Variants in GALNT8 observed in about 807,000 individuals in gnomAD.
GALNT8 encodes probable polypeptide N-acetylgalactosaminyltransferase 8.
GALNT8 carries 66 observed loss-of-function variants against 62.7 expected under a neutral mutation model. That is an observed-to-expected ratio of 1.05 (90% confidence interval 0.86 to 1.29). The LOEUF (loss-of-function observed/expected upper bound fraction) is 1.29. Ranked by LOEUF, GALNT8 falls within the 50% of genes most tolerant of loss-of-function variation. GALNT8 has a pLI of 0.00. For missense variants in GALNT8, 771 were observed against 791.8 expected (o/e 0.97, Z 0.32); for synonymous variants, 288 against 294.3 (o/e 0.98, Z 0.22).
At chr12:4,760,891 T>C (rs1946368390) in intron 6 of GALNT8, 67 bp from the exon 7 acceptor site, 1 of 1,354,546 alleles carries the variant, frequency 7.4e-7, no homozygotes, top group Non-Finnish European at 1.0e-6. Context: ...TGTAGTCTTC[T>C]TGTGTCAATA....
At chr12:4,770,654 A>G (rs1393272485) in intron 10 of GALNT8, among the ~76,000 whole-genome samples, 1 of 152,210 alleles carries the variant, frequency 6.6e-6, no homozygotes, top group Non-Finnish European at 1.5e-5. Flanking sequence ...CATCTCACCC[A>G]TGAAGTAACT....
intron 6 of GALNT8, among the ~76,000 whole-genome samples, chr12:4,750,382 C>T (rs1263474299): frequency 3.4e-5 from 5 of 147,558 alleles, no homozygotes; most frequent in Non-Finnish European, 7.5e-5. Flanking sequence ...GTGAGTTGTT[C>T]CCCTCTTTGT....
Position 4,726,552 on chromosome 12 carries a change from C to A in GALNT8, c.232C>A (p.Leu78Met). The A allele has an allele frequency of 1.2e-6, 2 of 1,612,692 alleles. No individual in the cohort carries two copies. Among genetic ancestry groups the A allele is most frequent in the South Asian group, 2.2e-5 (2 of 90,958 alleles). Residue 78 changes from leucine to methionine, a missense_variant, in exon 2 of 11, where the codon CTG (leucine) becomes ATG (methionine). Leu to Met is a conservative substitution (Grantham distance 15). Coordinates refer to ENST00000252318, the MANE Select transcript of GALNT8 (RefSeq NM_017417.2). This position sits in a 1 kb window ranked among gnomAD's most constrained non-coding sequence, Gnocchi z 4.1. ...TGCAGAAGAAAGTATGAAATTAGCT[C>A]TGAGGCAACAAGAAAATGTGAACAG... is the stretch of plus-strand genomic sequence containing the variant. ...QDLKESMKLALRQQENVNSTL... is the reference protein window; with the variant it reads ...QDLKESMKLAMRQQENVNSTL...
chr12:4,726,045 A>G lies in GALNT8; in HGVS notation c.212-487A>G, dbSNP rs1026903143. Among the ~76,000 whole-genome samples the G allele has an allele frequency of 1.3e-5, 2 of 152,180 alleles. No individual in the cohort carries two copies. Among genetic ancestry groups the G allele is most frequent in the Non-Finnish European group, 2.9e-5 (2 of 68,026 alleles). On this transcript the variant is annotated intron_variant, in intron 1 of 10. Coordinates refer to ENST00000252318, the MANE Select transcript of GALNT8 (RefSeq NM_017417.2). The surrounding 1 kb of genome is among the most constrained non-coding windows in gnomAD (Gnocchi z 4.1). ...GTAAGTGTTTCTTAAGTTTTACTGT[A>G]AAAAGAATTACTCCTTGGTTTTATT...
intron 1 of GALNT8, among the ~76,000 whole-genome samples, chr12:4,725,188 C>T (rs1946189103): frequency 1.3e-5 from 2 of 152,174 alleles, no homozygotes; most frequent in African/African-American, 4.8e-5. Context: ...GTCATCATCA[C>T]TAAACACTAA....
At chr12:4,727,385 A>G (rs1408303359) in intron 2 of GALNT8, among the ~76,000 whole-genome samples, 3 of 152,064 alleles carry the variant, frequency 2.0e-5, no homozygotes, top group African/African-American at 7.3e-5. Flanking sequence ...CATGCAATTT[A>G]TCCATTTAAA....
At chr12:4,751,316 G>A (rs1009107772) in intron 6 of GALNT8, among the ~76,000 whole-genome samples, 13 of 152,030 alleles carry the variant, frequency 8.6e-5, no homozygotes, top group African/African-American at 3.1e-4. Context: ...TTTGGATTTG[G>A]TTTCCTCTTG....
chr12:4,728,856 A>T (rs571829022), intron 2 of GALNT8, among the ~76,000 whole-genome samples: 2 of 152,120 alleles, frequency 1.3e-5, no homozygotes, highest in Non-Finnish European at 2.9e-5. Flanking sequence ...GAATTTCCAT[A>T]TGAGTTTTAG....
At chr12:4,744,476 G>A (rs1019174323) in intron 3 of GALNT8, 41 bp from the exon 4 acceptor site, 2 of 1,397,484 alleles carry the variant, frequency 1.4e-6, no homozygotes, top group African/African-American at 1.4e-5. Flanking sequence ...CACGTTGATT[G>A]TTGCACTCAG....
intron 10 of GALNT8, among the ~76,000 whole-genome samples, chr12:4,767,343 A>G (rs910779380): frequency 2.6e-5 from 4 of 152,212 alleles, no homozygotes; most frequent in African/African-American, 9.6e-5. Context: ...TTTCTCTAGC[A>G]TCTGGCACAA....
intron 6 of GALNT8, among the ~76,000 whole-genome samples, chr12:4,747,707 A>T (rs148478917): frequency 1.1e-3 from 175 of 152,232 alleles, no homozygotes; most frequent in African/African-American, 4.1e-3. Flanking sequence ...TGATTTACTG[A>T]TTTCCTTTCT....
In GALNT8 at chr12:4,749,128, A is replaced by G. The variant is rs1453379685; in HGVS notation, c.1173+2870A>G. 6.6e-6 allele frequency among the ~76,000 whole-genome samples: 1 copy of G among 151,746 alleles called. No homozygotes were observed. The highest frequency in any genetic ancestry group is 2.1e-4 in the South Asian group (1 of 4,826). ...TTGGTGGAGTCTTTATGTTTTTCCA[A>G]TATAAGATTATGTCATCTGCAAACA... On this transcript the variant is annotated intron_variant, in intron 6 of 10. Coordinates refer to ENST00000252318, the MANE Select transcript of GALNT8 (RefSeq NM_017417.2). This position sits in a 1 kb window ranked among gnomAD's most constrained non-coding sequence, Gnocchi z 4.1.
intron 1 of GALNT8, among the ~76,000 whole-genome samples, chr12:4,724,788 C>T (rs764144388): frequency 3.9e-5 from 6 of 152,152 alleles, no homozygotes; most frequent in Non-Finnish European, 5.9e-5. Flanking sequence ...CCTTTTCCTT[C>T]TTTTTGGGCC....
At chr12:4,733,168 G>A (rs1234077313) in intron 2 of GALNT8, among the ~76,000 whole-genome samples, 1 of 152,206 alleles carries the variant, frequency 6.6e-6, no homozygotes, top group Non-Finnish European at 1.5e-5. Context: ...AAGCATTTAG[G>A]TTTTGGTTAC....
chr12:4,733,619 G>A (rs924523500), intron 2 of GALNT8, among the ~76,000 whole-genome samples: 5 of 152,170 alleles, frequency 3.3e-5, no homozygotes, highest in African/African-American at 1.2e-4. Flanking sequence ...CAGATTTATT[G>A]TATAACCATC....
chr12:4,770,018 G>T (rs914718280), intron 10 of GALNT8, among the ~76,000 whole-genome samples: 14 of 152,190 alleles, frequency 9.2e-5, no homozygotes, highest in African/African-American at 3.4e-4. Flanking sequence ...AACCAAAATG[G>T]CCGGGCACGG....
At chr12:4,744,765 C>T (rs182521450) in intron 4 of GALNT8, 65 bp downstream of exon 4, 1 of 1,079,182 alleles carries the variant, frequency 9.3e-7, no homozygotes, top group African/African-American at 1.6e-5. Context: ...ATGTACTGAA[C>T]ACAAGACAGG....
chr12:4,737,834 A>G (rs1946252572), intron 2 of GALNT8, among the ~76,000 whole-genome samples: 1 of 151,916 alleles, frequency 6.6e-6, no homozygotes, highest in East Asian at 1.9e-4. Flanking sequence ...CTGCTGTGTG[A>G]TACCTTCTGC....
Position 4,720,852 on chromosome 12 carries a change from A to C in GALNT8, c.175A>C (p.Arg59=). ...TAAACGCTACGGGGCAGTGATAAAG[A>C]GACTCTCCCACTTGGAGGTGGAATT... ...LNKRYGAVIK[R]LSHLEVELQD... Residue 59 remains arginine (R), a synonymous_variant, in exon 1 of 11, where the codon AGA becomes CGA. Transcript: ENST00000252318. 6.2e-7 allele frequency: 1 copy of C among 1,609,026 alleles called. No individual in the cohort carries two copies. Among genetic ancestry groups the C allele is most frequent in the Non-Finnish European group, 8.5e-7 (1 of 1,175,378 alleles).
Sources: allele counts gnomAD v4.1 joint callset (sites outside exome capture counted in the v4.1 genomes callset), GRCh38; gene constraint gnomAD v4.1.1; non-coding constraint Gnocchi (gnomAD v3.1); transcripts MANE v1.5; gene names NCBI Gene and HGNC (gene_info 2026-07-23, HGNC 2026-07-21).